CTTNBP2: variants seen among roughly 807,000 people sequenced by gnomAD.
CTTNBP2 encodes cortactin binding protein 2.
In CTTNBP2, 108 loss-of-function variants were observed where a neutral mutation model predicts 156.9. That is an observed-to-expected ratio of 0.69 (90% CI 0.59 to 0.81). The LOEUF (loss-of-function observed/expected upper bound fraction) is 0.81, where lower values mean the gene tolerates loss of function less well. Among genes scored for constraint, CTTNBP2 ranks in the 30% least tolerant of loss-of-function variants. The probability of loss-of-function intolerance (pLI) is 0.00; values close to 1 mark genes in which losing one functional copy is unlikely to be tolerated. For missense variants in CTTNBP2, 1,924 were observed against 2,035.4 expected, an observed-to-expected ratio of 0.95 and a Z score of 1.05; for synonymous variants, 767 against 751.8, an observed-to-expected ratio of 1.02 and a Z score of -0.33.
chr7:117,785,910 C>G (rs1481037692), intron 4 of CTTNBP2, among the ~76,000 whole-genome samples: 1 of 152,128 alleles, frequency 6.6e-6, no homozygotes, highest in Non-Finnish European at 1.5e-5. Flanking sequence ...GAATGGCCAC[C>G]TGATTACGAT....
chr7:117,764,443 C>T (rs1797370692), intron 9 of CTTNBP2, among the ~76,000 whole-genome samples: 1 of 152,156 alleles, frequency 6.6e-6, no homozygotes, highest in Admixed American at 6.6e-5. Flanking sequence ...TTTCTTGGCT[C>T]AGCCTTTCAA....
intron 14 of CTTNBP2, among the ~76,000 whole-genome samples, chr7:117,738,960 C>T (rs1795850607): frequency 6.6e-6 from 1 of 152,142 alleles, no homozygotes; most frequent in South Asian, 2.1e-4. Flanking sequence ...GGAAGGGCTG[C>T]TATACATAAC....
At chr7:117,788,209 A>C (rs1798808476) in intron 4 of CTTNBP2, among the ~76,000 whole-genome samples, 2 of 152,198 alleles carry the variant, frequency 1.3e-5, no homozygotes, top group Admixed American at 1.3e-4. Context: ...GCCTGGGCAC[A>C]AGTGATCCTC....
intron 14 of CTTNBP2, among the ~76,000 whole-genome samples, chr7:117,743,631 G>A (rs1443809388): frequency 6.6e-6 from 1 of 151,414 alleles, no homozygotes; most frequent in Non-Finnish European, 1.5e-5. Context: ...GTGTGGTGGC[G>A]AGCGCCTGTA....
chr7:117,717,368 CTTTGT>C (rs1020921385), intron 22 of CTTNBP2, among the ~76,000 whole-genome samples: 2 of 150,940 alleles, frequency 1.3e-5, no homozygotes, highest in Non-Finnish European at 2.9e-5. Context: ...TCACTCAGTG[CTTTGT>C]TTTGTTATAA....
chr7:117,777,768 GAAAAT>G lies in CTTNBP2; in HGVS notation c.2524-8_2524-4del, dbSNP rs1562996730. ...GCGTGAACTGGTGTCCAGCCATCCT[GAAAAT>G]AAAATGACCAGGGGGAAAGGGTTGA... On this transcript the variant is annotated splice_polypyrimidine_tract_variant and splice_region_variant and intron_variant, in intron 7 of 22. Transcript: ENST00000160373. 6.2e-7 allele frequency: 1 copy of G among 1,600,728 alleles called. No individual in the cohort carries two copies. Among genetic ancestry groups the G allele is most frequent in the Non-Finnish European group, 8.5e-7 (1 of 1,170,536 alleles).
chr7:117,847,626 T>C (rs1399087193), intron 2 of CTTNBP2, among the ~76,000 whole-genome samples: 1 of 152,200 alleles, frequency 6.6e-6, no homozygotes, highest in Non-Finnish European at 1.5e-5. Flanking sequence ...CACTGTCAAC[T>C]ACCAGTACTT....
intron 2 of CTTNBP2, among the ~76,000 whole-genome samples, chr7:117,850,751 G>T (rs1263154309): frequency 1.3e-5 from 2 of 152,116 alleles, no homozygotes; most frequent in East Asian, 3.9e-4. Context: ...TATCAGTCAT[G>T]GTACATAATC....
In CTTNBP2 at chr7:117,725,012, GGGTGTGAATTTCCTCTCCTCTCTGCA is replaced by G. The variant is rs1168977913; in HGVS notation, c.4261+14_4261+39del. ...ACAGCTTTTAAAAGGTATTTCACAA[GGGTGTGAATTTCCTCTCCTCTCTGCA>G]GAAACCCACATACCTGCTCTGGGGA... On this transcript the variant is annotated intron_variant, in intron 18 of 22. Transcript: ENST00000160373. 6.4e-7 allele frequency: 1 copy of G among 1,555,220 alleles called. No homozygotes were observed. The highest frequency in any genetic ancestry group is 8.9e-7 in the Non-Finnish European group (1 of 1,129,044).
intron 16 of CTTNBP2, among the ~76,000 whole-genome samples, chr7:117,732,571 AC>A (rs781044966): frequency 6.7e-6 from 1 of 148,420 alleles, no homozygotes; most frequent in Non-Finnish European, 1.5e-5. Flanking sequence ...AATGGTGTGA[AC>A]CCAGGAGGCG....
chr7:117,751,305 C>A (rs527675158), intron 12 of CTTNBP2, among the ~76,000 whole-genome samples: 13 of 152,336 alleles, frequency 8.5e-5, no homozygotes, highest in Admixed American at 3.3e-4. Context: ...ACTTGTCACA[C>A]ATAGTGTGAG....
intron 2 of CTTNBP2, among the ~76,000 whole-genome samples, chr7:117,823,983 AATATTTT>A (rs1336172029): frequency 6.6e-6 from 1 of 151,556 alleles, no homozygotes; most frequent in Admixed American, 6.6e-5. Flanking sequence ...ATTAGGTGGA[AATATTTT>A]ATATTCTTTC....
intron 3 of CTTNBP2, among the ~76,000 whole-genome samples, chr7:117,809,939 C>A (rs1447797203): frequency 1.3e-5 from 2 of 152,210 alleles, no homozygotes; most frequent in Non-Finnish European, 2.9e-5. Flanking sequence ...ACAGCATGAG[C>A]TTCTAGCTTT....
In CTTNBP2 at chr7:117,745,950, T is replaced by C; in HGVS notation, c.3436-20A>G. 1 of 1,611,840 alleles carries C rather than the reference T, an allele frequency of 6.2e-7. No individual in the cohort carries two copies. Among genetic ancestry groups the C allele is most frequent in the Non-Finnish European group, 8.5e-7 (1 of 1,177,956 alleles). On this transcript the variant is annotated intron_variant, in intron 13 of 22. Coordinates refer to ENST00000160373, the MANE Select transcript of CTTNBP2 (RefSeq NM_033427.3). ...TCTGTGCTGTGATAAGAAAATAGGG[T>C]GATTAGTTCTACGCACTTGCCAATT...
intron 1 of CTTNBP2, among the ~76,000 whole-genome samples, chr7:117,870,597 C>T (rs1804522566): frequency 6.6e-6 from 1 of 152,132 alleles, no homozygotes; most frequent in African/African-American, 2.4e-5. Context: ...GGTTGGCTTC[C>T]CAAATATAGC....
chr7:117,748,852 T>C (rs1209531331), intron 12 of CTTNBP2, among the ~76,000 whole-genome samples: 3 of 152,146 alleles, frequency 2.0e-5, no homozygotes, highest in African/African-American at 4.8e-5. Flanking sequence ...CCCAAGGTGA[T>C]TGTATTAGAA....
chr7:117,730,173 A>G (rs1450502207), intron 16 of CTTNBP2, among the ~76,000 whole-genome samples: 1 of 152,108 alleles, frequency 6.6e-6, no homozygotes, highest in Non-Finnish European at 1.5e-5. Context: ...ATGTGTTGCA[A>G]GTGCTGCTCC....
Position 117,848,422 on chromosome 7 carries a change from G to T in CTTNBP2, c.189+12787C>A, listed in dbSNP as rs189907919. On this transcript the variant is annotated intron_variant, in intron 2 of 22. Coordinates refer to ENST00000160373, the MANE Select transcript of CTTNBP2 (RefSeq NM_033427.3). ...TTATATCAATGAATTTTATGCAAAA[G>T]CACCCATTTATACTCAGCCATTACA... Among the ~76,000 whole-genome samples the T allele has an allele frequency of 5.3e-5, 8 of 152,214 alleles. No homozygotes were observed. The East Asian group carries it at 1.5e-3, about 29-fold the overall frequency.
intron 2 of CTTNBP2, among the ~76,000 whole-genome samples, chr7:117,844,322 T>C (rs961770304): frequency 1.3e-5 from 2 of 152,180 alleles, no homozygotes; most frequent in Admixed American, 6.5e-5. Flanking sequence ...TAATTTGTTA[T>C]AGCAGCAATA....
Sources: allele counts gnomAD v4.1 joint callset (sites outside exome capture counted in the v4.1 genomes callset), GRCh38; gene constraint gnomAD v4.1.1; transcripts MANE v1.5; gene names NCBI Gene and HGNC (gene_info 2026-07-23, HGNC 2026-07-21).